The following KCNQ5 variants were observed in gnomAD, a reference collection of about 807,000 sequenced individuals.
The protein encoded by KCNQ5 is potassium voltage-gated channel subfamily KQT member 5.
A neutral mutation model predicts 98.2 loss-of-function variants in KCNQ5; 30 were observed. The observed-to-expected ratio is 0.31, with a 90% CI of 0.23 to 0.41. The LOEUF (loss-of-function observed/expected upper bound fraction) is 0.41. Ranked by LOEUF, KCNQ5 falls within the 10% of genes least tolerant of loss-of-function variation. The probability of loss-of-function intolerance (pLI) is 1.00; values close to 1 mark genes in which losing one functional copy is unlikely to be tolerated. For synonymous variants in KCNQ5, 458 were observed against 449.4 expected (o/e 1.02, Z -0.24); for missense variants, 835 against 1,182.5 (o/e 0.71, Z 4.31).
At chr6:72,894,289 T>C (rs1353705921) in intron 1 of KCNQ5, among the ~76,000 whole-genome samples, 1 of 152,194 alleles carries the variant, frequency 6.6e-6, no homozygotes, top group African/African-American at 2.4e-5. Flanking sequence ...GGAAGTAATC[T>C]GGAAAAGAGC....
intron 1 of KCNQ5, among the ~76,000 whole-genome samples, chr6:72,639,171 G>A (rs1044331338): frequency 6.6e-6 from 1 of 152,086 alleles, no homozygotes; most frequent in African/African-American, 2.4e-5. Flanking sequence ...AGGGAATACT[G>A]GCATCTTGGG....
chr6:72,874,720 CTGAG>C (rs1404137311), intron 1 of KCNQ5, among the ~76,000 whole-genome samples: 1 of 152,144 alleles, frequency 6.6e-6, no homozygotes, highest in African/African-American at 2.4e-5. Context: ...ACACAAGAAA[CTGAG>C]TGTCACACTC....
chr6:72,876,802 A>T (rs1472683645), intron 1 of KCNQ5, among the ~76,000 whole-genome samples: 1 of 152,224 alleles, frequency 6.6e-6, no homozygotes, highest in Non-Finnish European at 1.5e-5. Context: ...CTGTTTAGTT[A>T]GAGATCAAGT....
intron 8 of KCNQ5, among the ~76,000 whole-genome samples, chr6:73,122,669 G>T (rs1229705803): frequency 6.6e-6 from 1 of 152,176 alleles, no homozygotes; most frequent in Non-Finnish European, 1.5e-5. Flanking sequence ...ATGCTTCATT[G>T]CTTCAAAATG....
chr6:73,106,621 C>A (rs1223361381), intron 6 of KCNQ5, among the ~76,000 whole-genome samples: 4 of 152,114 alleles, frequency 2.6e-5, no homozygotes, highest in Non-Finnish European at 5.9e-5. Flanking sequence ...AGAAGAACAC[C>A]AGTCATATTT....
chr6:73,173,103 ATTC>A (rs1366051369), intron 11 of KCNQ5, among the ~76,000 whole-genome samples: 4 of 152,228 alleles, frequency 2.6e-5, no homozygotes, highest in Admixed American at 2.6e-4. Flanking sequence ...AAGAATTACT[ATTC>A]TTAGACTATT....
At chr6:72,632,138 C>CTTTTT (rs71540354) in intron 1 of KCNQ5, among the ~76,000 whole-genome samples, 230 of 127,588 alleles carry the variant, frequency 1.8e-3, no homozygotes, top group Middle Eastern at 4.4e-3. Flanking sequence ...TTCTTTCTTT[C>CTTTTT]TTTTTTTTTT....
At chr6:73,073,717 C>G (rs771984683) in intron 3 of KCNQ5, among the ~76,000 whole-genome samples, 4 of 152,080 alleles carry the variant, frequency 2.6e-5, no homozygotes, top group Non-Finnish European at 5.9e-5. Context: ...AATGGATAAA[C>G]AAATGAACCT....
chr6:72,678,014 G>T (rs892436815), intron 1 of KCNQ5, among the ~76,000 whole-genome samples: 1 of 152,140 alleles, frequency 6.6e-6, no homozygotes, highest in Non-Finnish European at 1.5e-5. Context: ...TGGAAAAAAA[G>T]AAATTTTATT....
chr6:72,787,022 A>AG (rs1267561432), intron 1 of KCNQ5, among the ~76,000 whole-genome samples: 64 of 150,196 alleles, frequency 4.3e-4, no homozygotes, highest in Non-Finnish European at 5.5e-4. Flanking sequence ...AAAAAAAAAA[A>AG]AAAAAAAGAA....
chr6:72,908,219 T>C (rs1779782716), intron 1 of KCNQ5, among the ~76,000 whole-genome samples: 1 of 151,868 alleles, frequency 6.6e-6, no homozygotes, highest in Non-Finnish European at 1.5e-5. Context: ...AGGGAGAACA[T>C]GGGGAGATGT....
chr6:72,725,136 A>G (rs991723123), intron 1 of KCNQ5, among the ~76,000 whole-genome samples: 3 of 152,178 alleles, frequency 2.0e-5, no homozygotes, highest in Non-Finnish European at 4.4e-5. Flanking sequence ...TTTCTATAAA[A>G]AAAATCTTAA....
At chr6:72,914,509 T>C (rs1293701284) in intron 1 of KCNQ5, among the ~76,000 whole-genome samples, 1 of 148,464 alleles carries the variant, frequency 6.7e-6, no homozygotes, top group Non-Finnish European at 1.5e-5. Flanking sequence ...TCAGTGCCAA[T>C]AAGGAGGACT....
intron 1 of KCNQ5, among the ~76,000 whole-genome samples, chr6:72,954,906 A>T (rs1039333761): frequency 2.6e-5 from 4 of 152,206 alleles, no homozygotes; most frequent in Non-Finnish European, 5.9e-5. Flanking sequence ...GTACAAGCTC[A>T]CAGCTCACAC....
intron 1 of KCNQ5, among the ~76,000 whole-genome samples, chr6:72,627,192 A>T (rs866070407): frequency 1.2e-4 from 19 of 152,350 alleles, no homozygotes; most frequent in African/African-American, 3.8e-4. Context: ...AGTTTAATCT[A>T]AATATGTAAC....
chr6:73,120,974 T>C (rs1265310373), intron 8 of KCNQ5, among the ~76,000 whole-genome samples: 1 of 152,200 alleles, frequency 6.6e-6, no homozygotes, highest in Non-Finnish European at 1.5e-5. Flanking sequence ...TAATCCATCT[T>C]TGTACGTTTA....
chr6:73,029,099 T>C (rs1771018620), intron 2 of KCNQ5, among the ~76,000 whole-genome samples: 1 of 152,170 alleles, frequency 6.6e-6, no homozygotes, highest in Non-Finnish European at 1.5e-5. Context: ...TTAAGACATA[T>C]TGATGATGTG....
rs1007083480 is a variant in KCNQ5, at chr6:73,111,195, C to G, written c.1030-113C>G. 2.7e-5 allele frequency: 19 copies of G among 700,240 alleles called. No individual in the cohort carries two copies. In the African/African-American group the frequency reaches 3.1e-4, roughly 11 times the overall value. The allele number at this position is 700,240 out of a possible 1,614,324, so 43.4% of individuals were successfully genotyped here. On this transcript the variant is annotated intron_variant, in intron 6 of 13. Transcript: ENST00000370398. ...TTTTAATAAGTAACATGTTTATGGA[C>G]AGGTTACATACCGTTTGTCTTCTCT...
chr6:72,761,051 G>T (rs1369874242), intron 1 of KCNQ5, among the ~76,000 whole-genome samples: 1 of 152,052 alleles, frequency 6.6e-6, no homozygotes, highest in Non-Finnish European at 1.5e-5. Context: ...TTGGATGTAT[G>T]TGTCAATTCC....
Sources: allele counts gnomAD v4.1 joint callset (sites outside exome capture counted in the v4.1 genomes callset), GRCh38; gene constraint gnomAD v4.1.1; transcripts MANE v1.5; gene names NCBI Gene and HGNC (gene_info 2026-07-23, HGNC 2026-07-21).